ELOVL6: variants seen among roughly 807,000 people sequenced by gnomAD.
ELOVL6 encodes the protein very long chain fatty acid elongase 6.
Under a neutral mutation model 31.7 loss-of-function variants are expected in ELOVL6, and 8 were observed. The ratio of observed to expected loss-of-function variants is 0.25; its 90% CI spans 0.15 to 0.45. ELOVL6 has a LOEUF of 0.45. ELOVL6 is among the 20% of genes least tolerant of loss of function. The pLI is 1.00. For missense variants in ELOVL6, 126 were observed against 326.4 expected, an observed-to-expected ratio of 0.39 and a Z score of 4.73; for synonymous variants, 101 against 117.7, an observed-to-expected ratio of 0.86 and a Z score of 0.92.
At chr4:110,193,319 T>C (rs567254889) in intron 1 of ELOVL6, among the ~76,000 whole-genome samples, 152 of 152,340 alleles carry the variant, frequency 1.0e-3, no homozygotes, top group African/African-American at 3.4e-3. Flanking sequence ...TTAAAATGTT[T>C]CACGGCCGGT....
rs1220272995 is a variant in ELOVL6, at chr4:110,084,387, CATATATG to C, written c.221+21103_221+21109del. 1.9e-4 allele frequency among the ~76,000 whole-genome samples: 13 copies of C among 69,466 alleles called. 1 individual carries two copies. Among genetic ancestry groups the C allele is most frequent in the East Asian group, 7.6e-4 (2 of 2,618 alleles). 45.6% of individuals were successfully genotyped at this position (69,466 alleles called of 152,430 possible). A position where few individuals can be genotyped will look rare whatever the true frequency, so the allele number is the denominator to read the frequency against. On this transcript the variant is annotated intron_variant, in intron 2 of 3. Coordinates refer to ENST00000302274, the MANE Select transcript of ELOVL6 (RefSeq NM_024090.3). ...CATATATGATATATGATATATATCG[CATATATG>C]ATATATGATATATGACATACATGAT... is the stretch of plus-strand genomic sequence containing the variant.
chr4:110,125,636 C>A (rs918151461), intron 1 of ELOVL6, among the ~76,000 whole-genome samples: 10 of 150,436 alleles, frequency 6.6e-5, no homozygotes, highest in African/African-American at 2.4e-4. Flanking sequence ...GCCTGGTCAA[C>A]ATAGTGAAAC....
chr4:110,076,782 C>G (rs922119437), intron 2 of ELOVL6, among the ~76,000 whole-genome samples: 1 of 152,140 alleles, frequency 6.6e-6, no homozygotes, highest in Non-Finnish European at 1.5e-5. Context: ...CGAAGCAGGG[C>G]GAGGCATAAC....
At chr4:110,073,053 A>G (rs1265717990) in intron 2 of ELOVL6, among the ~76,000 whole-genome samples, 1 of 152,252 alleles carries the variant, frequency 6.6e-6, no homozygotes, top group Non-Finnish European at 1.5e-5. Flanking sequence ...AGTTAGGAAC[A>G]TGCTTAAACT....
chr4:110,125,897 A>C (rs939770369), intron 1 of ELOVL6, among the ~76,000 whole-genome samples: 1 of 152,210 alleles, frequency 6.6e-6, no homozygotes, highest in Non-Finnish European at 1.5e-5. Context: ...TGGGTTATAA[A>C]AAGAATGTTT....
At chr4:110,167,601 T>A in intron 1 of ELOVL6, among the ~76,000 whole-genome samples, 1 of 152,156 alleles carries the variant, frequency 6.6e-6, no homozygotes, top group East Asian at 1.9e-4. Context: ...GGTGCAATGA[T>A]CCTCAGCTTC....
intron 2 of ELOVL6, among the ~76,000 whole-genome samples, chr4:110,064,718 G>A (rs1235710959): frequency 6.6e-6 from 1 of 151,936 alleles, no homozygotes; most frequent in Admixed American, 6.6e-5. Flanking sequence ...GAACTCCTGG[G>A]CTCAAGCAAC....
chr4:110,184,424 A>C (rs1455068706), intron 1 of ELOVL6, among the ~76,000 whole-genome samples: 2 of 152,234 alleles, frequency 1.3e-5, no homozygotes, highest in Non-Finnish European at 2.9e-5. Context: ...GGAGAGAAGA[A>C]GGCTTTGGAA....
chr4:110,070,540 C>A (rs904597364), intron 2 of ELOVL6, among the ~76,000 whole-genome samples: 3 of 152,166 alleles, frequency 2.0e-5, no homozygotes, highest in Non-Finnish European at 4.4e-5. Context: ...ATCTCACAGT[C>A]CTAGGTAGGT....
At chr4:110,094,438 T>TAAATATAA in intron 2 of ELOVL6, among the ~76,000 whole-genome samples, 1 of 55,314 alleles carries the variant, frequency 1.8e-5, no homozygotes, top group South Asian at 7.2e-4. Context: ...TATATATATA[T>TAAATATAA]ATATAATATA....
chr4:110,111,468 G>T (rs1757034034), intron 1 of ELOVL6, among the ~76,000 whole-genome samples: 1 of 148,446 alleles, frequency 6.7e-6, no homozygotes, highest in South Asian at 2.1e-4. Flanking sequence ...CCATGGCCAA[G>T]AAATTTAATA....
Position 110,198,035 on chromosome 4 carries a change from G to T in ELOVL6, c.89+212C>A, listed in dbSNP as rs1759866188. On this transcript the variant is annotated intron_variant, in intron 1 of 3. Coordinates refer to ENST00000302274, the MANE Select transcript of ELOVL6 (RefSeq NM_024090.3). ...ATATAAAAGATGCCTATGTAGCCGC[G>T]GTTCACACAGGGGCACCCACAGACC... 5 of 611,006 alleles carry T rather than the reference G, an allele frequency of 8.2e-6. No individual in the cohort carries two copies. The South Asian group carries it at 9.6e-5, about 12-fold the overall frequency. The allele number at this position is 611,006 out of a possible 1,614,324, so 37.8% of individuals were successfully genotyped here.
chr4:110,128,469 T>C (rs115415238), intron 1 of ELOVL6, among the ~76,000 whole-genome samples: 2,048 of 152,296 alleles, frequency 0.013, 44 homozygotes, highest in African/African-American at 0.046. Context: ...AAGCTGGAGC[T>C]TGAGTAAGTC....
chr4:110,079,234 G>C (rs567691506), intron 2 of ELOVL6, among the ~76,000 whole-genome samples: 14 of 152,294 alleles, frequency 9.2e-5, no homozygotes, highest in African/African-American at 3.4e-4. Flanking sequence ...TCTGCACCAA[G>C]TGGACCTAAT....
chr4:110,147,636 C>G (rs1758155704), intron 1 of ELOVL6, among the ~76,000 whole-genome samples: 1 of 150,478 alleles, frequency 6.6e-6, no homozygotes, highest in South Asian at 2.1e-4. Flanking sequence ...CAAAAAAATA[C>G]AAAAATCAAC....
intron 2 of ELOVL6, among the ~76,000 whole-genome samples, chr4:110,070,730 G>T (rs1454151543): frequency 6.6e-6 from 1 of 152,106 alleles, no homozygotes; most frequent in Non-Finnish European, 1.5e-5. Context: ...AAAGTGTGTA[G>T]CACCTCACCC....
At chr4:110,169,592 A>G (rs571174280) in intron 1 of ELOVL6, among the ~76,000 whole-genome samples, 1 of 151,968 alleles carries the variant, frequency 6.6e-6, no homozygotes, top group Non-Finnish European at 1.5e-5. Context: ...TCTAGAAAAC[A>G]CACTCCAATC....
intron 1 of ELOVL6, chr4:110,117,903 A>AAAATATAT: frequency 6.2e-4 from 4 of 6,498 alleles, no homozygotes; most frequent in African/African-American, 1.3e-3. Context: ...AAAAAAAAAA[A>AAAATATAT]ATATATATAT....
chr4:110,072,297 G>A (rs911844982), intron 2 of ELOVL6, among the ~76,000 whole-genome samples: 9 of 152,210 alleles, frequency 5.9e-5, no homozygotes, highest in Non-Finnish European at 1.2e-4. Flanking sequence ...CCAACACGGC[G>A]AAACGCTGTC....
Sources: allele counts gnomAD v4.1 joint callset (sites outside exome capture counted in the v4.1 genomes callset), GRCh38; gene constraint gnomAD v4.1.1; transcripts MANE v1.5; gene names NCBI Gene and HGNC (gene_info 2026-07-23, HGNC 2026-07-21).